The following DRC8 variants were observed in gnomAD, a reference collection of about 807,000 sequenced individuals.
DRC8 encodes dynein regulatory complex subunit 8.
chr1:245,111,830 G>A, the DRC8 span, among the ~76,000 whole-genome samples: 3 of 152,226 alleles, frequency 2.0e-5, no homozygotes, highest in Middle Eastern at 3.4e-3. Flanking sequence ...GAGCCCAAGA[G>A]TTCAAGACCA....
the DRC8 span, chr1:245,083,551 A>G: frequency 1.9e-6 from 3 of 1,582,522 alleles, no homozygotes; most frequent in Non-Finnish European, 2.6e-6. Flanking sequence ...ACACACATAT[A>G]TGAAAAATTT....
the DRC8 span, among the ~76,000 whole-genome samples, chr1:245,017,683 A>C: frequency 1.3e-5 from 2 of 152,184 alleles, no homozygotes; most frequent in Admixed American, 1.3e-4. Context: ...AAACACATAA[A>C]TATGTATTAT....
At chr1:245,095,528 C>CTTAA in the DRC8 span, among the ~76,000 whole-genome samples, 1 of 151,950 alleles carries the variant, frequency 6.6e-6, no homozygotes, top group Non-Finnish European at 1.5e-5. Flanking sequence ...TTGGAGATAC[C>CTTAA]TTAATTAATT....
chr1:245,013,759 A>C, the DRC8 span, among the ~76,000 whole-genome samples: 1 of 152,082 alleles, frequency 6.6e-6, no homozygotes, highest in Non-Finnish European at 1.5e-5. Flanking sequence ...GGCCGGGCGC[A>C]GAGGCTCACA....
At chr1:245,060,290 T>C in the DRC8 span, among the ~76,000 whole-genome samples, 1 of 152,180 alleles carries the variant, frequency 6.6e-6, no homozygotes, top group African/African-American at 2.4e-5. Context: ...TTCTCCATAA[T>C]AATAACTACT....
chr1:245,096,193 A>G, the DRC8 span, among the ~76,000 whole-genome samples: 1 of 152,256 alleles, frequency 6.6e-6, no homozygotes, highest in East Asian at 1.9e-4. Context: ...CCAGAGACAC[A>G]GTTTCTTTCA....
At chr1:245,011,618 G>C in the DRC8 span, among the ~76,000 whole-genome samples, 10 of 152,190 alleles carry the variant, frequency 6.6e-5, no homozygotes, top group Admixed American at 2.6e-4. Flanking sequence ...TTTCAGATTA[G>C]GGATGGTTAA....
chr1:245,098,051 G>T, the DRC8 span, among the ~76,000 whole-genome samples: 70 of 152,338 alleles, frequency 4.6e-4, no homozygotes, highest in African/African-American at 1.6e-3. Flanking sequence ...TGGTGTCTCA[G>T]GCCGGGGAGA....
chr1:245,083,633 A>T, the DRC8 span: 1 of 1,609,566 alleles, frequency 6.2e-7, no homozygotes, highest in South Asian at 1.1e-5. Flanking sequence ...TTTTAGATTC[A>T]GCTAAACGTG....
chr1:245,111,318 T>G, the DRC8 span, among the ~76,000 whole-genome samples: 2 of 152,158 alleles, frequency 1.3e-5, no homozygotes, highest in African/African-American at 4.8e-5. Flanking sequence ...ACAGCAGCAC[T>G]CCCAGCCTCT....
chr1:245,125,062 C>G, the DRC8 span: 1 of 152,258 alleles, frequency 6.6e-6, no homozygotes, highest in Non-Finnish European at 1.5e-5. Flanking sequence ...CTTCACAGAC[C>G]CCACTCAGGA....
At chr1:245,024,492 T>C in the DRC8 span, among the ~76,000 whole-genome samples, 192 of 152,170 alleles carry the variant, frequency 1.3e-3, no homozygotes, top group African/African-American at 4.4e-3. Flanking sequence ...TTTTTCCCAA[T>C]CTAATATGTG....
the DRC8 span, among the ~76,000 whole-genome samples, chr1:245,063,445 G>A: frequency 1.3e-5 from 2 of 152,094 alleles, no homozygotes; most frequent in Non-Finnish European, 2.9e-5. Flanking sequence ...TTCCTTTTGC[G>A]ATTTTAGTGT....
the DRC8 span, among the ~76,000 whole-genome samples, chr1:244,992,373 A>G: frequency 6.6e-6 from 1 of 152,200 alleles, no homozygotes; most frequent in Non-Finnish European, 1.5e-5. Flanking sequence ...AATCAGTGAG[A>G]GAGGGAAAGG....
chr1:245,079,644 T>C, the DRC8 span, among the ~76,000 whole-genome samples: 7 of 152,170 alleles, frequency 4.6e-5, no homozygotes, highest in African/African-American at 1.7e-4. Context: ...TCAGGGTGCA[T>C]GTAAGCTAAA....
chr1:244,970,061 C>T, the DRC8 span: 10 of 638,172 alleles, frequency 1.6e-5, no homozygotes, highest in Admixed American at 2.9e-4. Context: ...CGCGCGCGTG[C>T]TGTCCCCAAA....
chr1:245,080,655 T>C, the DRC8 span, among the ~76,000 whole-genome samples: 1 of 152,176 alleles, frequency 6.6e-6, no homozygotes, highest in Non-Finnish European at 1.5e-5. Context: ...CAATTTCACT[T>C]CTTAAATATT....
the DRC8 span, among the ~76,000 whole-genome samples, chr1:244,985,134 T>A: frequency 6.7e-6 from 1 of 150,090 alleles, no homozygotes; most frequent in Non-Finnish European, 1.5e-5. Flanking sequence ...TCACGCATTC[T>A]ACACTTCATT....
At chr1:245,110,371 G>C in the DRC8 span, among the ~76,000 whole-genome samples, 1 of 145,796 alleles carries the variant, frequency 6.9e-6, no homozygotes, top group Non-Finnish European at 1.5e-5. Context: ...GCGACAGAAT[G>C]AGGTTCCTTC....
Sources: allele counts gnomAD v4.1 joint callset (sites outside exome capture counted in the v4.1 genomes callset), GRCh38; gene constraint gnomAD v4.1.1; transcripts MANE v1.5; gene names NCBI Gene and HGNC (gene_info 2026-07-23, HGNC 2026-07-21).